The following ZFAT variants were observed in gnomAD, a reference collection of about 807,000 sequenced individuals.
ZFAT encodes the protein zinc finger protein ZFAT.
In ZFAT, 64 loss-of-function variants were observed where a neutral mutation model predicts 117.7. The ratio of observed to expected loss-of-function variants is 0.54; its 90% CI spans 0.44 to 0.67. The LOEUF is 0.67. ZFAT is among the 30% of genes least tolerant of loss of function. The pLI is 0.00. For missense variants in ZFAT, 1,433 were observed against 1,584.5 expected (o/e 0.90, Z 1.62); for synonymous variants, 679 against 615.0 (o/e 1.10, Z -1.54).
At chr8:134,702,355 T>C (rs1464236057) in intron 1 of ZFAT, among the ~76,000 whole-genome samples, 1 of 152,248 alleles carries the variant, frequency 6.6e-6, no homozygotes, top group Non-Finnish European at 1.5e-5. Flanking sequence ...CTACCTTTTA[T>C]GGTAAGTTGA....
chr8:134,536,708 C>A (rs1051146656), intron 11 of ZFAT, among the ~76,000 whole-genome samples: 1 of 152,166 alleles, frequency 6.6e-6, no homozygotes, highest in Admixed American at 6.5e-5. Context: ...GTCCTCTGAC[C>A]CCCAGGAATA....
intron 11 of ZFAT, among the ~76,000 whole-genome samples, chr8:134,559,385 T>C (rs557235596): frequency 1.1e-3 from 170 of 152,330 alleles, no homozygotes; most frequent in African/African-American, 3.8e-3. Flanking sequence ...AGTAGAGAGA[T>C]CCCATATTCT....
intron 15 of ZFAT, among the ~76,000 whole-genome samples, chr8:134,480,787 C>T (rs1476836540): frequency 2.0e-5 from 3 of 152,230 alleles, no homozygotes; most frequent in Admixed American, 6.5e-5. Flanking sequence ...TGGCCTTCTA[C>T]TCCCCACCTC....
chr8:134,604,558 T>C (rs1827744728), intron 5 of ZFAT, among the ~76,000 whole-genome samples: 1 of 152,234 alleles, frequency 6.6e-6, no homozygotes. Context: ...CCGTAACTGC[T>C]TTCTCTGGAC....
intron 10 of ZFAT, among the ~76,000 whole-genome samples, chr8:134,567,133 A>ACCAG (rs1824524781): frequency 1.3e-5 from 2 of 152,178 alleles, no homozygotes; most frequent in African/African-American, 4.8e-5. Flanking sequence ...TGCCTGCTAG[A>ACCAG]CCAGCCACTT....
At chr8:134,785,661 T>C in the ZFAT span, 2 of 152,182 alleles carry the variant, frequency 1.3e-5, no homozygotes, top group Non-Finnish European at 2.9e-5. Flanking sequence ...TTCTCATGTA[T>C]CTGTTTCTGT....
At chr8:134,794,172 A>C in the ZFAT span, 1 of 152,238 alleles carries the variant, frequency 6.6e-6, no homozygotes, top group Non-Finnish European at 1.5e-5. Flanking sequence ...CCAAAGAATG[A>C]GGTCATTAAA....
Position 134,478,145 on chromosome 8 carries a change from T to G in ZFAT, c.*337A>C. ...AGCTGGGGCTGTGATTCAGGGAAGA[T>G]GCTGAGGGGGACTGGGAGTCTCTGT... On this transcript the variant is annotated 3_prime_UTR_variant, in exon 16 of 16. Coordinates refer to ENST00000377838, the MANE Select transcript of ZFAT (RefSeq NM_020863.4). This position sits in a 1 kb window ranked among gnomAD's most constrained non-coding sequence, Gnocchi z 5.2. 3.3e-6 allele frequency: 1 copy of G among 304,934 alleles called. No homozygotes were observed. Among genetic ancestry groups the G allele is most frequent in the African/African-American group, 2.1e-5 (1 of 47,724 alleles). 18.9% of individuals were successfully genotyped at this position (304,934 alleles called of 1,614,324 possible).
At chr8:134,826,896 G>C in the ZFAT span, among the ~76,000 whole-genome samples, 45 of 152,276 alleles carry the variant, frequency 3.0e-4, 1 homozygote, top group East Asian at 8.5e-3. Flanking sequence ...TTGTATTGAC[G>C]CTATAGGTAA....
At chr8:134,819,562 A>G in the ZFAT span, among the ~76,000 whole-genome samples, 12 of 128,186 alleles carry the variant, frequency 9.4e-5, no homozygotes, top group East Asian at 1.7e-3. Flanking sequence ...TTTCTCTGAC[A>G]TTACATTTGC....
At chr8:134,560,574 C>G (rs1027040405) in intron 11 of ZFAT, among the ~76,000 whole-genome samples, 29 of 152,206 alleles carry the variant, frequency 1.9e-4, no homozygotes, top group African/African-American at 6.8e-4. Flanking sequence ...GAAAGAACTC[C>G]ACAAGGTGAT....
chr8:134,719,448 A>G, the ZFAT span, among the ~76,000 whole-genome samples: 2 of 152,208 alleles, frequency 1.3e-5, no homozygotes, highest in Non-Finnish European at 2.9e-5. Flanking sequence ...GAAGCCCAGC[A>G]GCAGCAGCAG....
chr8:134,639,944 G>A (rs945124720), intron 2 of ZFAT: 11 of 361,478 alleles, frequency 3.0e-5, no homozygotes, highest in Admixed American at 3.0e-4. Flanking sequence ...TTTACCCAAA[G>A]AGAAGTCTGG....
At chr8:134,781,879 C>A in the ZFAT span, among the ~76,000 whole-genome samples, 2 of 152,204 alleles carry the variant, frequency 1.3e-5, no homozygotes, top group Non-Finnish European at 2.9e-5. Flanking sequence ...TATTAACATT[C>A]TTTTCCCTAG....
chr8:134,579,021 G>C (rs1285040921), intron 10 of ZFAT, among the ~76,000 whole-genome samples: 1 of 152,164 alleles, frequency 6.6e-6, no homozygotes, highest in Non-Finnish European at 1.5e-5. Context: ...GAGAAAACTG[G>C]ATGTGGCACT....
At chr8:134,684,690 C>T (rs533439279) in intron 1 of ZFAT, among the ~76,000 whole-genome samples, 52 of 152,284 alleles carry the variant, frequency 3.4e-4, no homozygotes, top group African/African-American at 1.3e-3. Flanking sequence ...TAAAAGAAGA[C>T]AGGAAACTAG....
chr8:134,565,216 G>A lies in ZFAT; in HGVS notation c.2976+117C>T, dbSNP rs73711205. 36 of 1,552,014 alleles carry A rather than the reference G, an allele frequency of 2.3e-5. No individual in the cohort carries two copies. The South Asian group carries it at 3.8e-4, about 16-fold the overall frequency. ...AGACTCCACGTGTACCAGCTAAGGGGGCCCCAAAGCGAAGGTAAAACCAAC... is the reference window on the plus strand; with the variant it reads ...AGACTCCACGTGTACCAGCTAAGGGAGCCCCAAAGCGAAGGTAAAACCAAC... On this transcript the variant is annotated intron_variant, in intron 11 of 15. Coordinates refer to ENST00000377838, the MANE Select transcript of ZFAT (RefSeq NM_020863.4).
At chr8:134,509,565 G>A (rs1819655953) in intron 15 of ZFAT, 54 bp downstream of exon 15, 29 of 1,608,594 alleles carry the variant, frequency 1.8e-5, no homozygotes, top group Non-Finnish European at 2.5e-5. Flanking sequence ...GAGAAGGAGA[G>A]AACCTGACTG....
chr8:134,637,448 T>TG lies in ZFAT; in HGVS notation c.448+12dup. On this transcript the variant is annotated intron_variant, in intron 3 of 15. Transcript: ENST00000377838. ...TAAGAAATTGACATGTTCAGCCCTT[T>TG]GGCAGCATTTACCTGCTTCTCCTTC... is the stretch of plus-strand genomic sequence containing the variant. 1 of 1,601,582 alleles carries TG rather than the reference T, an allele frequency of 6.2e-7. No homozygotes were observed. Among genetic ancestry groups the TG allele is most frequent in the Non-Finnish European group, 8.5e-7 (1 of 1,170,042 alleles).
Sources: allele counts gnomAD v4.1 joint callset (sites outside exome capture counted in the v4.1 genomes callset), GRCh38; gene constraint gnomAD v4.1.1; non-coding constraint Gnocchi (gnomAD v3.1); transcripts MANE v1.5; gene names NCBI Gene and HGNC (gene_info 2026-07-23, HGNC 2026-07-21).